NAALADL2: variants seen among roughly 807,000 people sequenced by gnomAD.
NAALADL2 encodes the protein inactive N-acetylated-alpha-linked acidic dipeptidase-like protein 2.
Under a neutral mutation model 87.2 loss-of-function variants are expected in NAALADL2, and 76 were observed. The observed-to-expected ratio is 0.87, with a 90% CI of 0.72 to 1.05. NAALADL2 has a LOEUF of 1.05. Ranked by LOEUF, NAALADL2 falls within the 50% of genes least tolerant of loss-of-function variation. The pLI is 0.00. For synonymous variants in NAALADL2, 354 were observed against 331.0 expected, an observed-to-expected ratio of 1.07 and a Z score of -0.75; for missense variants, 1,089 against 945.8, an observed-to-expected ratio of 1.15 and a Z score of -1.99.
chr3:174,653,848 C>T (rs1724627942), intron 2 of NAALADL2, among the ~76,000 whole-genome samples: 1 of 152,114 alleles, frequency 6.6e-6, no homozygotes, highest in Non-Finnish European at 1.5e-5. Context: ...AAGGCCTACG[C>T]ATAAGGTCAT....
intron 1 of NAALADL2, among the ~76,000 whole-genome samples, chr3:174,528,874 C>A (rs1720995895): frequency 6.6e-6 from 1 of 152,152 alleles, no homozygotes; most frequent in Non-Finnish European, 1.5e-5. Flanking sequence ...TTACCTCGCA[C>A]TGGGTCCCTC....
At chr3:175,232,966 C>G (rs1052861560) in intron 2 of NAALADL2, among the ~76,000 whole-genome samples, 2 of 151,928 alleles carry the variant, frequency 1.3e-5, no homozygotes, top group Non-Finnish European at 1.5e-5. Flanking sequence ...GTTCTAGGTA[C>G]TATACAAAAT....
At chr3:174,873,314 G>A (rs1222878525) in intron 1 of NAALADL2, among the ~76,000 whole-genome samples, 1 of 151,556 alleles carries the variant, frequency 6.6e-6, no homozygotes, top group African/African-American at 2.4e-5. Context: ...GAATGCAGTG[G>A]CACAATCTTG....
intron 3 of NAALADL2, among the ~76,000 whole-genome samples, chr3:175,252,932 T>C (rs1027419291): frequency 6.6e-6 from 1 of 152,146 alleles, no homozygotes; most frequent in African/African-American, 2.4e-5. Flanking sequence ...CTGCAGAAGT[T>C]TGAAGTTAAC....
chr3:174,971,342 A>C (rs1253819147), intron 1 of NAALADL2, among the ~76,000 whole-genome samples: 1 of 152,230 alleles, frequency 6.6e-6, no homozygotes, highest in East Asian at 1.9e-4. Context: ...GCAATTTCAA[A>C]GTAAAAATTT....
intron 3 of NAALADL2, among the ~76,000 whole-genome samples, chr3:174,741,325 G>A (rs962180): frequency 0.22 from 33,678 of 151,488 alleles, 4,061 homozygotes; most frequent in East Asian, 0.38. Flanking sequence ...GGAAGACTCA[G>A]TCTATTTGTT....
At chr3:174,708,604 C>G (rs1730331241) in intron 2 of NAALADL2, among the ~76,000 whole-genome samples, 1 of 152,080 alleles carries the variant, frequency 6.6e-6, no homozygotes, top group Non-Finnish European at 1.5e-5. Flanking sequence ...TTTTATGAGT[C>G]AAATGCTATA....
rs1024642907 is a variant in NAALADL2, at chr3:175,256,546, G to C, written c.939+16G>C. 5 of 1,604,782 alleles carry C rather than the reference G, an allele frequency of 3.1e-6. No homozygotes were observed. In the Admixed American group the frequency reaches 8.6e-5, roughly 28 times the overall value. ...GCTTTATAAGGTTGGTCCAGTGAAT[G>C]TTATTCAGTGGTTTGGTCAATATTT... On this transcript the variant is annotated intron_variant, in intron 4 of 13. Coordinates refer to ENST00000454872, the MANE Select transcript of NAALADL2 (RefSeq NM_207015.3).
At chr3:174,882,387 A>G (rs1729304163) in intron 1 of NAALADL2, among the ~76,000 whole-genome samples, 1 of 151,662 alleles carries the variant, frequency 6.6e-6, no homozygotes, top group Admixed American at 6.6e-5. Flanking sequence ...GGTTCTCTAG[A>G]GGAACGGAAC....
chr3:175,174,866 A>C (rs972549706), intron 2 of NAALADL2, among the ~76,000 whole-genome samples: 1 of 151,390 alleles, frequency 6.6e-6, no homozygotes, highest in African/African-American at 2.4e-5. Context: ...ACACACACAT[A>C]TCTCTGTTAA....
At chr3:175,422,078 T>C (rs1715801324) in intron 5 of NAALADL2, among the ~76,000 whole-genome samples, 1 of 152,142 alleles carries the variant, frequency 6.6e-6, no homozygotes, top group African/African-American at 2.4e-5. Context: ...TTTTACTTTT[T>C]ATGTCTTTGA....
chr3:174,953,839 A>G (rs1740776426), intron 1 of NAALADL2, among the ~76,000 whole-genome samples: 1 of 151,864 alleles, frequency 6.6e-6, no homozygotes, highest in Non-Finnish European at 1.5e-5. Context: ...TCACTTTTTA[A>G]TTGTTTTTTT....
intron 3 of NAALADL2, among the ~76,000 whole-genome samples, chr3:175,236,936 C>T (rs928685815): frequency 1.8e-4 from 27 of 152,120 alleles, no homozygotes; most frequent in African/African-American, 6.5e-4. Context: ...TTTCACACTT[C>T]TGCAATTAGA....
chr3:174,892,092 A>T (rs574649606), intron 1 of NAALADL2, among the ~76,000 whole-genome samples: 1 of 152,148 alleles, frequency 6.6e-6, no homozygotes, highest in African/African-American at 2.4e-5. Flanking sequence ...AAGTTTTCCC[A>T]AGAAGAACAG....
At chr3:175,350,869 T>C (rs1763683515) in intron 5 of NAALADL2, among the ~76,000 whole-genome samples, 1 of 152,190 alleles carries the variant, frequency 6.6e-6, no homozygotes, top group Non-Finnish European at 1.5e-5. Context: ...AATAAAATTA[T>C]CTCTGCTAAG....
chr3:175,274,734 A>C (rs905554599), intron 4 of NAALADL2, among the ~76,000 whole-genome samples: 1 of 152,170 alleles, frequency 6.6e-6, no homozygotes, highest in African/African-American at 2.4e-5. Flanking sequence ...TATTTTCCAC[A>C]AAGTGTTCAG....
At chr3:174,994,450 A>C (rs62286238) in intron 1 of NAALADL2, among the ~76,000 whole-genome samples, 12,228 of 152,166 alleles carry the variant, frequency 0.08, 643 homozygotes, top group East Asian at 0.29. Flanking sequence ...CAAATATATA[A>C]CTTATTTTTA....
chr3:175,170,336 T>C (rs1560115056), intron 2 of NAALADL2, among the ~76,000 whole-genome samples: 1 of 150,774 alleles, frequency 6.6e-6, no homozygotes, highest in East Asian at 1.9e-4. Context: ...TATAGACATA[T>C]ATGAATTTCT....
chr3:175,518,724 C>A (rs1732228808), intron 9 of NAALADL2, among the ~76,000 whole-genome samples: 1 of 152,170 alleles, frequency 6.6e-6, no homozygotes, highest in African/African-American at 2.4e-5. Context: ...ACCCATTCAT[C>A]TATTAACCCA....
Sources: allele counts gnomAD v4.1 joint callset (sites outside exome capture counted in the v4.1 genomes callset), GRCh38; gene constraint gnomAD v4.1.1; transcripts MANE v1.5; gene names NCBI Gene and HGNC (gene_info 2026-07-23, HGNC 2026-07-21).